The following FAH variants were observed in gnomAD, a reference collection of about 807,000 sequenced individuals.
The protein encoded by FAH is fumarylacetoacetase.
Under a neutral mutation model 55.8 loss-of-function variants are expected in FAH, and 47 were observed. That is an observed-to-expected ratio of 0.84 (90% CI 0.67 to 1.07). The LOEUF (loss-of-function observed/expected upper bound fraction) is 1.07, where lower values mean the gene tolerates loss of function less well. Among genes scored for constraint, FAH ranks in the 50% least tolerant of loss-of-function variants. FAH has a pLI of 0.00. For missense variants in FAH, 495 were observed against 545.9 expected (o/e 0.91, Z 0.93); for synonymous variants, 199 against 207.7 (o/e 0.96, Z 0.36).
intron 1 of FAH, among the ~76,000 whole-genome samples, chr15:80,153,642 A>G (rs904856561): frequency 3.9e-5 from 6 of 152,192 alleles, no homozygotes; most frequent in Non-Finnish European, 7.3e-5. Context: ...TAAGATGGCA[A>G]GTGTCTCTGC....
intron 10 of FAH, among the ~76,000 whole-genome samples, chr15:80,176,575 C>G (rs1007938075): frequency 2.6e-5 from 4 of 152,202 alleles, no homozygotes; most frequent in Non-Finnish European, 4.4e-5. Flanking sequence ...AGCTGAGGCT[C>G]AGAGAGGAAA....
At chr15:80,162,467 C>A in intron 5 of FAH, 131 bp downstream of exon 5, 1 of 798,292 alleles carries the variant, frequency 1.3e-6, no homozygotes. Context: ...GATGTTGCAA[C>A]CTCTGGAAGC....
At chr15:80,160,286 A>G in intron 3 of FAH, 124 bp from the exon 4 acceptor site, 1 of 984,610 alleles carries the variant, frequency 1.0e-6, no homozygotes, top group Non-Finnish European at 1.6e-6. Context: ...CTCTGGCCCC[A>G]GGCCAGCCAG....
At chr15:80,170,102 T>G (rs955658452) in intron 7 of FAH, among the ~76,000 whole-genome samples, 3 of 152,036 alleles carry the variant, frequency 2.0e-5, no homozygotes, top group Non-Finnish European at 4.4e-5. Flanking sequence ...AGGGAAGTGA[T>G]GGAAAGGAGG....
chr15:80,160,173 A>G, intron 3 of FAH: 1 of 638,586 alleles, frequency 1.6e-6, no homozygotes, highest in East Asian at 2.7e-5. Context: ...TGGTTTCTAG[A>G]GTAGGAAAGA....
At chr15:80,153,729 A>G (rs1394709947) in intron 1 of FAH, among the ~76,000 whole-genome samples, 2 of 151,512 alleles carry the variant, frequency 1.3e-5, no homozygotes, top group Non-Finnish European at 2.9e-5. Flanking sequence ...GAGGGCAGGG[A>G]AACAAACTTT....
Position 80,186,259 on chromosome 15 carries a change from C to G in FAH, c.*50C>G. On this transcript the variant is annotated 3_prime_UTR_variant, in exon 14 of 14. Transcript: ENST00000561421. The stretch of plus-strand genomic sequence containing the variant: ...AAAGGGCTCAAGCACCCCTTTCAAC[C>G]CTGTGACTGGGGTCCTCCCTCGGGC... 1.4e-6 allele frequency: 2 copies of G among 1,425,422 alleles called. No individual in the cohort carries two copies. The highest frequency in any genetic ancestry group is 2.3e-5 in the South Asian group (2 of 86,652). The allele number at this position is 1,425,422 out of a possible 1,614,324, so 88.3% of individuals were successfully genotyped here.
Position 80,169,110 on chromosome 15 carries a change from T to C in FAH, c.606+794T>C, listed in dbSNP as rs183443850. On this transcript the variant is annotated intron_variant, in intron 7 of 13. Coordinates refer to ENST00000561421, the MANE Select transcript of FAH (RefSeq NM_000137.4). ...TAAAAAATAATTACCTGGCCGGGTG[T>C]GGTGGCTCACACCTGTAATCCCAGC... is the stretch of plus-strand genomic sequence containing the variant. Among the ~76,000 whole-genome samples, 193 of 152,262 alleles carry C rather than the reference T, an allele frequency of 1.3e-3. 1 individual carries two copies. Among genetic ancestry groups the C allele is most frequent in the Non-Finnish European group, 2.1e-3 (142 of 68,022 alleles).
intron 13 of FAH, among the ~76,000 whole-genome samples, chr15:80,183,057 A>G (rs2041343523): frequency 6.6e-6 from 1 of 152,202 alleles, no homozygotes; most frequent in Non-Finnish European, 1.5e-5. Context: ...TTTGAGCCAG[A>G]GAAGGAAGGA....
intron 5 of FAH, 163 bp downstream of exon 5, chr15:80,162,499 CCTG>C: frequency 1.4e-6 from 1 of 707,382 alleles, no homozygotes; most frequent in African/African-American, 1.7e-5. Flanking sequence ...CTTCTGGTCT[CCTG>C]CTCAGCTTGG....
At chr15:80,169,274 T>C (rs1036463276) in intron 7 of FAH, among the ~76,000 whole-genome samples, 8 of 151,900 alleles carry the variant, frequency 5.3e-5, no homozygotes, top group Admixed American at 1.3e-4. Flanking sequence ...TCCCAGCTAC[T>C]TGGGAGGCTG....
At chr15:80,175,937 G>T (rs1410471181) in intron 10 of FAH, among the ~76,000 whole-genome samples, 1 of 152,176 alleles carries the variant, frequency 6.6e-6, no homozygotes, top group Non-Finnish European at 1.5e-5. Context: ...GGTTTGCCTG[G>T]TGGCCACACA....
At chr15:80,159,647 C>T (rs931151073) in intron 2 of FAH, 109 bp from the exon 3 acceptor site, 19 of 1,262,636 alleles carry the variant, frequency 1.5e-5, no homozygotes, top group South Asian at 2.4e-5. Flanking sequence ...TTTGAGTTAG[C>T]GGGAGAGAAG....
At chr15:80,180,308 C>T (rs367973969) in intron 12 of FAH, 83 bp downstream of exon 12, 54 of 1,132,410 alleles carry the variant, frequency 4.8e-5, no homozygotes, top group African/African-American at 4.6e-4. Context: ...AGCTCAGCCT[C>T]GAGAAGAGAT....
chr15:80,160,377 C>T, intron 3 of FAH, 33 bp from the exon 4 acceptor site: 2 of 1,613,312 alleles, frequency 1.2e-6, no homozygotes, highest in Non-Finnish European at 1.7e-6. Flanking sequence ...TTGCTGCCTA[C>T]TTGACTTTGA....
At chr15:80,180,933 T>C (rs1436121408) in intron 12 of FAH, 109 bp from the exon 13 acceptor site, 20 of 843,528 alleles carry the variant, frequency 2.4e-5, no homozygotes, top group Non-Finnish European at 2.0e-6. Context: ...CTGAGGGGCA[T>C]GAGGGCCCCC....
intron 5 of FAH, chr15:80,163,576 T>A (rs1232317743): frequency 6.6e-6 from 1 of 152,286 alleles, no homozygotes. Flanking sequence ...AGAATAAGAG[T>A]AAACAGGCCT....
rs147475398 is a variant in FAH, at chr15:80,170,263, T to C, written c.607-1886T>C. Among the ~76,000 whole-genome samples, 458 of 152,348 alleles carry C rather than the reference T, an allele frequency of 3.0e-3. 2 individuals are homozygous for C. Among genetic ancestry groups the C allele is most frequent in the Middle Eastern group, 0.01 (3 of 294 alleles). On this transcript the variant is annotated intron_variant, in intron 7 of 13. Coordinates refer to ENST00000561421, the MANE Select transcript of FAH (RefSeq NM_000137.4). ...TTTCCCATAGTCAGCACCTACAGTT[T>C]TAGGCGTTGCCTCAGGAAGCTCTGA... is the stretch of plus-strand genomic sequence containing the variant.
chr15:80,159,279 G>T (rs1482362522), intron 2 of FAH, among the ~76,000 whole-genome samples: 2 of 150,944 alleles, frequency 1.3e-5, no homozygotes, highest in African/African-American at 4.9e-5. Context: ...TCACTATATT[G>T]CCCAGGCTGA....
Sources: allele counts gnomAD v4.1 joint callset (sites outside exome capture counted in the v4.1 genomes callset), GRCh38; gene constraint gnomAD v4.1.1; transcripts MANE v1.5; gene names NCBI Gene and HGNC (gene_info 2026-07-23, HGNC 2026-07-21).